Variants in TMEM117 observed in about 807,000 individuals in gnomAD.
TMEM117 encodes transmembrane protein 117.
TMEM117 carries 27 observed loss-of-function variants against 52.4 expected under a neutral mutation model. The ratio of observed to expected loss-of-function variants is 0.51; its 90% CI spans 0.38 to 0.71. The LOEUF is 0.71. Among genes scored for constraint, TMEM117 ranks in the 30% least tolerant of loss-of-function variants. TMEM117 has a pLI of 0.00. For missense variants in TMEM117, 556 were observed against 630.5 expected, an observed-to-expected ratio of 0.88 and a Z score of 1.26; for synonymous variants, 215 against 206.3, an observed-to-expected ratio of 1.04 and a Z score of -0.36.
chr12:44,354,359 C>T (rs1465432308), intron 6 of TMEM117, among the ~76,000 whole-genome samples: 5 of 151,788 alleles, frequency 3.3e-5, no homozygotes, highest in African/African-American at 1.2e-4. Flanking sequence ...GGCAGAAACA[C>T]AACAAAAAAA....
At chr12:44,130,698 T>C (rs1216914216) in intron 3 of TMEM117, among the ~76,000 whole-genome samples, 1 of 152,132 alleles carries the variant, frequency 6.6e-6, no homozygotes, top group Non-Finnish European at 1.5e-5. Context: ...AGATAGAATT[T>C]TGTGAGTAGT....
intron 5 of TMEM117, among the ~76,000 whole-genome samples, chr12:44,286,685 G>C (rs1950642737): frequency 6.6e-6 from 1 of 152,156 alleles, no homozygotes; most frequent in African/African-American, 2.4e-5. Context: ...TAAAGGAGCA[G>C]TTAAGACTAT....
At chr12:43,908,734 T>C (rs940511356) in intron 2 of TMEM117, among the ~76,000 whole-genome samples, 9 of 151,774 alleles carry the variant, frequency 5.9e-5, no homozygotes, top group African/African-American at 2.2e-4. Flanking sequence ...CCAAAAAAGA[T>C]CAAAACAGAC....
At chr12:43,804,466 C>G in the TMEM117 span, 1 of 1,402,542 alleles carries the variant, frequency 7.1e-7, no homozygotes. Context: ...AATCCAGGAA[C>G]AGAAAATATT....
chr12:43,845,134 C>T (rs184775324), intron 2 of TMEM117: 61 of 544,706 alleles, frequency 1.1e-4, no homozygotes, highest in East Asian at 1.6e-4. Flanking sequence ...AAAATTAGCA[C>T]GAGGTAAAAT....
chr12:44,154,343 G>A (rs1022912245), intron 4 of TMEM117, among the ~76,000 whole-genome samples: 2 of 152,176 alleles, frequency 1.3e-5, no homozygotes, highest in South Asian at 2.1e-4. Context: ...CACGTGGGCC[G>A]TGTTAAGAAT....
chr12:44,103,137 T>C (rs1300636290), intron 3 of TMEM117, among the ~76,000 whole-genome samples: 1 of 151,930 alleles, frequency 6.6e-6, no homozygotes, highest in African/African-American at 2.4e-5. Context: ...TTCTGTAGAG[T>C]TAAGGAGAGA....
chr12:43,851,242 A>G (rs1182745554), intron 2 of TMEM117, among the ~76,000 whole-genome samples: 3 of 152,204 alleles, frequency 2.0e-5, no homozygotes, highest in Admixed American at 2.0e-4. Context: ...TTCATTGGTT[A>G]TAAATTTAAT....
intron 6 of TMEM117, among the ~76,000 whole-genome samples, chr12:44,305,198 C>T (rs563536390): frequency 6.6e-6 from 1 of 152,130 alleles, no homozygotes; most frequent in South Asian, 2.1e-4. Context: ...GGGCCTGGGG[C>T]AGTGGTAACC....
intron 3 of TMEM117, among the ~76,000 whole-genome samples, chr12:44,040,430 A>G (rs1946778605): frequency 6.6e-6 from 1 of 152,124 alleles, no homozygotes; most frequent in Non-Finnish European, 1.5e-5. Context: ...TCCTTATATA[A>G]GCTTTCTAAC....
intron 4 of TMEM117, among the ~76,000 whole-genome samples, chr12:44,145,747 A>G (rs967522952): frequency 3.9e-5 from 6 of 152,176 alleles, no homozygotes; most frequent in East Asian, 3.8e-4. Flanking sequence ...TCAATCGCCA[A>G]TGATGCAGGA....
chr12:44,015,138 C>T (rs894207159), intron 3 of TMEM117, among the ~76,000 whole-genome samples: 8 of 151,918 alleles, frequency 5.3e-5, no homozygotes, highest in East Asian at 1.9e-4. Context: ...TGTTATTACT[C>T]GTACTGTCTA....
rs1949968872 is a variant in TMEM117 at position 44,234,358 on chromosome 12, G to GT, written c.608+22977dup. Among the ~76,000 whole-genome samples the GT allele has an allele frequency of 4.0e-5, 6 of 151,276 alleles. No homozygotes were observed. In the South Asian group the frequency reaches 1.0e-3, roughly 26 times the overall value. ...TTATACCTTTTTCAGCATTTGTCCA[G>GT]TTTTTTCTACATTTTCAAATTTATT... On this transcript the variant is annotated intron_variant, in intron 5 of 7. Coordinates refer to ENST00000266534, the MANE Select transcript of TMEM117 (RefSeq NM_032256.3).
intron 3 of TMEM117, among the ~76,000 whole-genome samples, chr12:43,944,651 T>G (rs1455250418): frequency 1.3e-5 from 2 of 152,170 alleles, no homozygotes; most frequent in African/African-American, 2.4e-5. Flanking sequence ...CTTATTGATT[T>G]GCATATATTC....
Position 44,146,059 on chromosome 12 carries a change from ACC to A in TMEM117, c.510+2436_510+2437del, listed in dbSNP as rs1001554544. Among the ~76,000 whole-genome samples the A allele has an allele frequency of 8.7e-4, 132 of 151,916 alleles. 2 individuals carry two copies. Among genetic ancestry groups the A allele is most frequent in the Admixed American group, 8.6e-3 (132 of 15,266 alleles). ...TTAAATTAGCCTTTTTTCTTTTTTA[ACC>A]ATAGGGAGGGGTCCAATTGCTGCAG... is the stretch of plus-strand genomic sequence containing the variant. On this transcript the variant is annotated intron_variant, in intron 4 of 7. Transcript: ENST00000266534.
At chr12:43,899,488 T>C (rs1944269139) in intron 2 of TMEM117, among the ~76,000 whole-genome samples, 1 of 152,220 alleles carries the variant, frequency 6.6e-6, no homozygotes, top group South Asian at 2.1e-4. Context: ...CAGCCTCCTA[T>C]CATGATCATT....
At chr12:43,918,562 A>T (rs767849714) in intron 2 of TMEM117, among the ~76,000 whole-genome samples, 2 of 152,146 alleles carry the variant, frequency 1.3e-5, no homozygotes, top group Non-Finnish European at 2.9e-5. Context: ...GCTACTTCTG[A>T]TATTATTTTT....
chr12:44,350,808 C>G (rs1313005134), intron 6 of TMEM117, among the ~76,000 whole-genome samples: 1 of 151,974 alleles, frequency 6.6e-6, no homozygotes, highest in East Asian at 1.9e-4. Flanking sequence ...CTACTGTGAA[C>G]AGTGCTGCAA....
chr12:44,352,213 C>T (rs537016862), intron 6 of TMEM117, among the ~76,000 whole-genome samples: 7 of 152,058 alleles, frequency 4.6e-5, no homozygotes, highest in South Asian at 4.1e-4. Flanking sequence ...ATCTCATGTA[C>T]CCCATAAATA....
Sources: gnomAD v4.1 joint callset for allele counts (sites outside exome capture counted in the v4.1 genomes callset) on GRCh38, gnomAD v4.1.1 for gene constraint, MANE v1.5 for transcripts, NCBI Gene and HGNC (gene_info 2026-07-23, HGNC 2026-07-21) for gene names.